SNX3: variants seen among roughly 807,000 people sequenced by gnomAD.
SNX3 encodes sorting nexin 3.
SNX3 carries 5 observed loss-of-function variants against 17.7 expected under a neutral mutation model. The observed-to-expected ratio is 0.28, with a 90% CI of 0.15 to 0.59. The LOEUF (loss-of-function observed/expected upper bound fraction) is 0.59. Ranked by LOEUF, SNX3 falls within the 20% of genes least tolerant of loss-of-function variation. The pLI is 0.88. For synonymous variants in SNX3, 91 were observed against 76.5 expected (o/e 1.19, Z -0.99); for missense variants, 132 against 206.8 (o/e 0.64, Z 2.22).
chr6:108,258,211 G>A (rs1184807666), intron 1 of SNX3, among the ~76,000 whole-genome samples: 1 of 152,102 alleles, frequency 6.6e-6, no homozygotes, highest in Admixed American at 6.5e-5. Context: ...TGTAATCCCA[G>A]CACTTTGGGA....
intron 1 of SNX3, among the ~76,000 whole-genome samples, chr6:108,248,053 G>T (rs1451253240): frequency 6.6e-6 from 1 of 152,210 alleles, no homozygotes; most frequent in African/African-American, 2.4e-5. Flanking sequence ...AATCACTCCA[G>T]TATTATTACT....
intron 2 of SNX3, among the ~76,000 whole-genome samples, chr6:108,219,283 T>C (rs1256659553): frequency 6.6e-6 from 1 of 151,914 alleles, no homozygotes; most frequent in East Asian, 1.9e-4. Flanking sequence ...CCACATGGTA[T>C]GTCAAGCAAA....
In SNX3 at chr6:108,259,231, A is replaced by C. The variant is rs537944677; in HGVS notation, c.162+1529T>G. Among the ~76,000 whole-genome samples, 5 of 152,160 alleles carry C rather than the reference A, an allele frequency of 3.3e-5. No homozygotes were observed. The East Asian group carries it at 9.7e-4, about 29-fold the overall frequency. On this transcript the variant is annotated intron_variant, in intron 1 of 3. Transcript: ENST00000230085. ...CCTATGACAACATATCCTATGATTCAATTTTTATTTATTTATTTAGAGAAG... is the reference window on the plus strand; with the variant it reads ...CCTATGACAACATATCCTATGATTCCATTTTTATTTATTTATTTAGAGAAG...
chr6:108,256,067 A>C (rs1442349154), intron 1 of SNX3, among the ~76,000 whole-genome samples: 1 of 152,018 alleles, frequency 6.6e-6, no homozygotes, highest in Non-Finnish European at 1.5e-5. Flanking sequence ...TCGTCTCTAC[A>C]AATAATTTAA....
intron 1 of SNX3, among the ~76,000 whole-genome samples, chr6:108,237,234 A>G (rs1422086585): frequency 6.6e-6 from 1 of 152,186 alleles, no homozygotes; most frequent in Admixed American, 6.5e-5. Context: ...TCTTTTCCTC[A>G]TAATTTAAAA....
chr6:108,223,489 T>C lies in SNX3; in HGVS notation c.163-444A>G, dbSNP rs531474740. Among the ~76,000 whole-genome samples, 384 of 146,990 alleles carry C rather than the reference T, an allele frequency of 2.6e-3. 2 individuals carry two copies. The highest frequency in any genetic ancestry group is 4.6e-3 in the Non-Finnish European group (310 of 67,380). On this transcript the variant is annotated intron_variant, in intron 1 of 3. Transcript: ENST00000230085. ...TTTTACCCATAACAAAATAAAACTT[T>C]GCTAGTTCTTTTTTTTTTTTTTTTT...
At chr6:108,246,731 T>TA (rs1393718950) in intron 1 of SNX3, among the ~76,000 whole-genome samples, 8 of 152,024 alleles carry the variant, frequency 5.3e-5, no homozygotes, top group African/African-American at 1.7e-4. Flanking sequence ...TCATCAGAGA[T>TA]AGAGTTTGCT....
At chr6:108,245,017 T>C (rs999567517) in intron 1 of SNX3, among the ~76,000 whole-genome samples, 1 of 152,138 alleles carries the variant, frequency 6.6e-6, no homozygotes, top group Non-Finnish European at 1.5e-5. Flanking sequence ...TAGGTATACA[T>C]GTGCCATGGT....
At chr6:108,219,250 G>A (rs73511831) in intron 2 of SNX3, among the ~76,000 whole-genome samples, 9,954 of 151,906 alleles carry the variant, frequency 0.066, 1,129 homozygotes, top group African/African-American at 0.23. Flanking sequence ...CTCAGCAAAC[G>A]TTTATTAAAC....
At chr6:108,240,913 C>G (rs181650939) in intron 1 of SNX3, among the ~76,000 whole-genome samples, 1 of 151,530 alleles carries the variant, frequency 6.6e-6, no homozygotes, top group African/African-American at 2.4e-5. Context: ...GAGGCTGAGG[C>G]GGGTGGATCA....
chr6:108,226,934 T>C (rs1354244410), intron 1 of SNX3, among the ~76,000 whole-genome samples: 1 of 152,192 alleles, frequency 6.6e-6, no homozygotes, highest in Non-Finnish European at 1.5e-5. Context: ...CATTTGTTCA[T>C]TGTATAAATG....
chr6:108,249,147 C>T (rs1775775275), intron 1 of SNX3, among the ~76,000 whole-genome samples: 1 of 152,176 alleles, frequency 6.6e-6, no homozygotes, highest in African/African-American at 2.4e-5. Context: ...ATCACTTGAG[C>T]TCACGAGCTC....
intron 2 of SNX3, among the ~76,000 whole-genome samples, chr6:108,216,924 G>A (rs1055484587): frequency 1.3e-5 from 2 of 152,154 alleles, no homozygotes. Context: ...AGCATTCTCA[G>A]ATCTCACCCC....
intron 3 of SNX3, among the ~76,000 whole-genome samples, chr6:108,213,649 C>CAAA (rs34482948): frequency 1.2e-5 from 1 of 84,414 alleles, no homozygotes; most frequent in Non-Finnish European, 2.4e-5. Context: ...AAGACTGTCT[C>CAAA]AAAAAAAAAA....
Position 108,223,497 on chromosome 6 carries a change from C to CTT in SNX3, c.163-454_163-453dup, listed in dbSNP as rs59920022. Reference sequence around the variant, plus strand: ...ATAACAAAATAAAACTTTGCTAGTTCTTTTTTTTTTTTTTTTTTTTTTTTT... The same window carrying CTT: ...ATAACAAAATAAAACTTTGCTAGTTCTTTTTTTTTTTTTTTTTTTTTTTTTTT... On this transcript the variant is annotated intron_variant, in intron 1 of 3. Coordinates refer to ENST00000230085, the MANE Select transcript of SNX3 (RefSeq NM_003795.6). Among the ~76,000 whole-genome samples the CTT allele has an allele frequency of 8.6e-3, 951 of 110,242 alleles. 153 individuals are homozygous for CTT. Among genetic ancestry groups the CTT allele is most frequent in the African/African-American group, 0.031 (727 of 23,684 alleles). 72.3% of individuals were successfully genotyped at this position (110,242 alleles called of 152,430 possible). A position where few individuals can be genotyped will look rare whatever the true frequency, so the allele number is the denominator to read the frequency against.
chr6:108,230,590 G>T (rs1775115677), intron 1 of SNX3, among the ~76,000 whole-genome samples: 2 of 152,148 alleles, frequency 1.3e-5, no homozygotes, highest in Admixed American at 1.3e-4. Flanking sequence ...AGTAAATGCT[G>T]AAGATTCTGA....
intron 1 of SNX3, among the ~76,000 whole-genome samples, chr6:108,259,537 T>G (rs1776126943): frequency 1.3e-5 from 2 of 152,160 alleles, no homozygotes; most frequent in South Asian, 4.1e-4. Context: ...CGGCCTATGA[T>G]CCACATTTTA....
At chr6:108,249,929 G>T (rs575334869) in intron 1 of SNX3, among the ~76,000 whole-genome samples, 80 of 152,222 alleles carry the variant, frequency 5.3e-4, no homozygotes, top group South Asian at 2.5e-3. Context: ...TTTAGGGTTT[G>T]AGACAGGGTT....
At chr6:108,226,709 C>G (rs1439089835) in intron 1 of SNX3, among the ~76,000 whole-genome samples, 1 of 152,190 alleles carries the variant, frequency 6.6e-6, no homozygotes, top group Non-Finnish European at 1.5e-5. Context: ...AGCTGTCACT[C>G]AGCACAAGAA....
Sources: allele counts gnomAD v4.1 joint callset (sites outside exome capture counted in the v4.1 genomes callset), GRCh38; gene constraint gnomAD v4.1.1; transcripts MANE v1.5; gene names NCBI Gene and HGNC (gene_info 2026-07-23, HGNC 2026-07-21).